Variants in NT5C1B observed in about 807,000 individuals in gnomAD.
NT5C1B encodes 5'-nucleotidase, cytosolic IB, also known as cytosolic 5'-nucleotidase 1B.
NT5C1B carries 44 observed loss-of-function variants against 57.8 expected under a neutral mutation model. The observed-to-expected ratio is 0.76, with a 90% CI of 0.60 to 0.98. NT5C1B has a LOEUF of 0.98. Among genes scored for constraint, NT5C1B ranks in the 50% least tolerant of loss-of-function variants. The pLI is 0.00. For missense variants in NT5C1B, 742 were observed against 719.5 expected, an observed-to-expected ratio of 1.03 and a Z score of -0.36; for synonymous variants, 284 against 282.6, an observed-to-expected ratio of 1.00 and a Z score of -0.05.
At chr2:18,565,031 C>T (rs1185027198) in intron 8 of NT5C1B, among the ~76,000 whole-genome samples, 2 of 152,162 alleles carry the variant, frequency 1.3e-5, no homozygotes, top group Non-Finnish European at 2.9e-5. Flanking sequence ...TCTATTTCTT[C>T]TCCACCATCT....
rs1288242863 is a variant in NT5C1B, at chr2:18,584,501, C to T, written c.723+13G>A. 1.9e-6 allele frequency: 3 copies of T among 1,602,708 alleles called. No individual in the cohort carries two copies. The highest frequency in any genetic ancestry group is 2.6e-6 in the Non-Finnish European group (3 of 1,175,466). On this transcript the variant is annotated intron_variant, in intron 4 of 8. Transcript: ENST00000304081. This position sits in a 1 kb window ranked among gnomAD's most constrained non-coding sequence, Gnocchi z 5.8. ...AGGGCGCCCCGGCTGCCAGGGGCGG[C>T]GGGCTGGCTCACCGGCCAGGGGCGC...
intron 8 of NT5C1B, among the ~76,000 whole-genome samples, chr2:18,571,747 T>C (rs1402562927): frequency 1.2e-5 from 1 of 86,222 alleles, no homozygotes; most frequent in Non-Finnish European, 2.2e-5. Flanking sequence ...TATATATATA[T>C]ATATATATAT....
chr2:18,587,964 T>C (rs1249845337), intron 1 of NT5C1B, among the ~76,000 whole-genome samples: 2 of 152,216 alleles, frequency 1.3e-5, no homozygotes, highest in African/African-American at 4.8e-5. Context: ...AACTTACTTT[T>C]CCTTGCCATT....
chr2:18,564,071 A>G (rs773117280), exon 9 of NT5C1B: 2 of 1,606,510 alleles, frequency 1.2e-6, no homozygotes, highest in East Asian at 2.2e-5. Context: ...TTGGCATAGA[A>G]CTTCTTTTGC....
chr2:18,587,198 C>T (rs1395333836), intron 2 of NT5C1B: 2 of 1,601,404 alleles, frequency 1.2e-6, no homozygotes, highest in African/African-American at 2.7e-5. Context: ...AGAAAGTGGT[C>T]AATGCCATGG....
chr2:18,577,219 A>G (rs1171409852), intron 6 of NT5C1B, among the ~76,000 whole-genome samples: 1 of 152,122 alleles, frequency 6.6e-6, no homozygotes, highest in Non-Finnish European at 1.5e-5. Context: ...AGGAAAGGAA[A>G]GTTAGACATA....
In NT5C1B at chr2:18,584,152, A is replaced by C. The variant is rs747760033; in HGVS notation, c.827T>G (p.Met276Arg). 5.0e-6 allele frequency: 8 copies of C among 1,614,156 alleles called. No homozygotes were observed. The highest frequency in any genetic ancestry group is 6.8e-6 in the Non-Finnish European group (8 of 1,180,034). Residue 276 changes from methionine to arginine, a missense_variant, in exon 5 of 9, where the codon ATG becomes AGG. Coordinates refer to ENST00000304081, the Ensembl canonical transcript of NT5C1B. The surrounding 1 kb of genome is among the most constrained non-coding windows in gnomAD (Gnocchi z 5.8). ...GTTCTCATTGGTGAGCTGATACTCC[A>C]TGTACTTTTCCAGACCCTCTTGCTC...
chr2:18,568,756 TC>T (rs1331502840), intron 8 of NT5C1B, among the ~76,000 whole-genome samples: 1 of 152,196 alleles, frequency 6.6e-6, no homozygotes, highest in East Asian at 1.9e-4. Context: ...TCTGATTGCC[TC>T]CTTTGGAGAG....
chr2:18,584,647 G>A lies in NT5C1B; in HGVS notation c.590C>T (p.Thr197Ile), dbSNP rs747445875. 10 of 1,613,292 alleles carry A rather than the reference G, an allele frequency of 6.2e-6. No individual in the cohort carries two copies. The highest frequency in any genetic ancestry group is 8.5e-6 in the Non-Finnish European group (10 of 1,179,726). ...GGACAGAGAGTTGCGGTCCAGCTGG[G>A]TGGAGGCGGGGTAGATCCCCCTGCG... Residue 197 changes from threonine to isoleucine, a missense_variant, in exon 4 of 9, where the codon ACC (threonine) becomes ATC (isoleucine). Transcript: ENST00000304081. The surrounding 1 kb of genome is among the most constrained non-coding windows in gnomAD (Gnocchi z 5.8).
At chr2:18,587,701 A>G (rs1666846486) in intron 1 of NT5C1B, 109 bp from the exon 2 acceptor site, 2 of 1,300,216 alleles carry the variant, frequency 1.5e-6, no homozygotes, top group Admixed American at 2.5e-5. Flanking sequence ...TTATTTGCCA[A>G]TATAAAAAGG....
intron 6 of NT5C1B, among the ~76,000 whole-genome samples, chr2:18,579,767 C>G (rs911396280): frequency 6.6e-6 from 1 of 151,956 alleles, no homozygotes; most frequent in Non-Finnish European, 1.5e-5. Context: ...ATTGCAACAA[C>G]AAGAAAAAAT....
chr2:18,565,479 T>G (rs988691150), intron 8 of NT5C1B, among the ~76,000 whole-genome samples: 2 of 152,216 alleles, frequency 1.3e-5, no homozygotes, highest in East Asian at 1.9e-4. Flanking sequence ...GATTTACATA[T>G]AAGATTCTCC....
chr2:18,569,330 G>T (rs957015300), intron 8 of NT5C1B, among the ~76,000 whole-genome samples: 8 of 152,022 alleles, frequency 5.3e-5, no homozygotes, highest in Non-Finnish European at 1.2e-4. Flanking sequence ...AGAAAAAGGG[G>T]ACTAAGAACA....
Position 18,584,085 on chromosome 2 carries a change from T to C in NT5C1B, c.891+3A>G, listed in dbSNP as rs1666437161. On this transcript the variant is annotated splice_donor_region_variant and intron_variant, in intron 5 of 8. Coordinates refer to ENST00000304081, the Ensembl canonical transcript of NT5C1B. The surrounding 1 kb of genome is among the most constrained non-coding windows in gnomAD (Gnocchi z 5.8). The stretch of plus-strand genomic sequence containing the variant: ...GGCGGGCCAAAGACAGCTTGCAGAA[T>C]ACCTTGACGAAGCGGAACGCCGGGC... 6.2e-7 allele frequency: 1 copy of C among 1,614,036 alleles called. No homozygotes were observed. Among genetic ancestry groups the C allele is most frequent in the Non-Finnish European group, 8.5e-7 (1 of 1,180,030 alleles).
chr2:18,563,282 TATACTC>T (rs1278040597), exon 9 of NT5C1B: 1 of 152,234 alleles, frequency 6.6e-6, no homozygotes, highest in Non-Finnish European at 1.5e-5. Context: ...TCAAAATTGT[TATACTC>T]ATGCAGGTAG....
At chr2:18,565,744 C>T (rs60586679) in intron 8 of NT5C1B, among the ~76,000 whole-genome samples, 29,478 of 151,904 alleles carry the variant, frequency 0.19, 5,835 homozygotes, top group African/African-American at 0.51. Flanking sequence ...TATATATAAA[C>T]ATCTTTGATA....
Position 18,584,136 on chromosome 2 carries a change from G to C in NT5C1B, c.843C>G (p.Thr281=). The stretch of plus-strand genomic sequence containing the variant: ...CCGGGGTCAGGATGACGTTCTCATT[G>C]GTGAGCTGATACTCCATGTACTTTT... The change falls in exon 5 of 9, where the codon ACC becomes ACG. Residue 281 remains threonine (T), a synonymous_variant. Transcript: ENST00000304081. This position sits in a 1 kb window ranked among gnomAD's most constrained non-coding sequence, Gnocchi z 5.8. The C allele has an allele frequency of 6.2e-7, 1 of 1,614,138 alleles. No homozygotes were observed. Among genetic ancestry groups the C allele is most frequent in the Non-Finnish European group, 8.5e-7 (1 of 1,180,034 alleles).
rs1291760859 is a variant in NT5C1B, at chr2:18,584,803, C to T, written c.434G>A (p.Arg145His). The T allele has an allele frequency of 1.9e-6, 3 of 1,613,148 alleles. No homozygotes were observed. Among genetic ancestry groups the T allele is most frequent in the South Asian group, 1.1e-5 (1 of 91,064 alleles). The change falls in exon 4 of 9, where the codon CGC (arginine) becomes CAC (histidine). Residue 145 changes from arginine (R) to histidine (H), a missense_variant. Physicochemically the swap from Arg to His is conservative, Grantham distance 29. Coordinates refer to ENST00000304081, the Ensembl canonical transcript of NT5C1B. The surrounding 1 kb of genome is among the most constrained non-coding windows in gnomAD (Gnocchi z 5.8). ...CGGATTCTCTTGCATTTTGGTGCTG[C>T]GCCGGGAGCCAGGATCGGGCTCTGG...
intron 8 of NT5C1B, among the ~76,000 whole-genome samples, chr2:18,566,320 C>T (rs1664638214): frequency 6.6e-6 from 1 of 152,092 alleles, no homozygotes; most frequent in South Asian, 2.1e-4. Flanking sequence ...TTCAAAGGCT[C>T]CCTTCTTTGC....
Sources: gnomAD v4.1 joint callset for allele counts (sites outside exome capture counted in the v4.1 genomes callset) on GRCh38, gnomAD v4.1.1 for gene constraint, Gnocchi (gnomAD v3.1) non-coding constraint, MANE v1.5 for transcripts, NCBI Gene and HGNC (gene_info 2026-07-23, HGNC 2026-07-21) for gene names.